Variants in CPEB2 observed in about 807,000 individuals in gnomAD.
CPEB2 encodes the protein cytoplasmic polyadenylation element-binding protein 2.
CPEB2 carries 56 observed loss-of-function variants against 93.6 expected under a neutral mutation model. The ratio of observed to expected loss-of-function variants is 0.60; its 90% CI spans 0.48 to 0.75. The LOEUF (loss-of-function observed/expected upper bound fraction) is 0.75, where lower values mean the gene tolerates loss of function less well. Among genes scored for constraint, CPEB2 ranks in the 30% least tolerant of loss-of-function variants. The pLI is 0.00. For missense variants in CPEB2, 1,579 were observed against 1,395.1 expected (o/e 1.13, Z -2.10); for synonymous variants, 764 against 586.3 (o/e 1.30, Z -4.38).
At chr4:15,045,324 A>G (rs141296758) in intron 6 of CPEB2, among the ~76,000 whole-genome samples, 48 of 152,272 alleles carry the variant, frequency 3.2e-4, no homozygotes, top group Non-Finnish European at 6.5e-4. Flanking sequence ...TTTCATTCAT[A>G]TGTATGTATC....
chr4:15,022,463 A>G (rs1421086008), intron 4 of CPEB2, among the ~76,000 whole-genome samples: 1 of 152,106 alleles, frequency 6.6e-6, no homozygotes, highest in Non-Finnish European at 1.5e-5. Context: ...AAAAAAGAGT[A>G]TAGAAGAAAA....
chr4:15,006,862 T>C (rs1722878334), intron 1 of CPEB2, among the ~76,000 whole-genome samples: 1 of 152,196 alleles, frequency 6.6e-6, no homozygotes, highest in Non-Finnish European at 1.5e-5. Flanking sequence ...AGTCTATATA[T>C]TTCACTTGTA....
At chr4:15,036,331 G>A (rs1261351612) in intron 5 of CPEB2, among the ~76,000 whole-genome samples, 2 of 152,126 alleles carry the variant, frequency 1.3e-5, no homozygotes, top group Non-Finnish European at 2.9e-5. Flanking sequence ...GACTGCTGGA[G>A]ACTGTCACTA....
chr4:15,004,093 A>C lies in CPEB2; in HGVS notation c.1420A>C (p.Thr474Pro). 6.4e-7 allele frequency: 1 copy of C among 1,562,502 alleles called. No homozygotes were observed. Among genetic ancestry groups the C allele is most frequent in the Non-Finnish European group, 8.6e-7 (1 of 1,158,052 alleles). Residue 474 changes from threonine to proline, a missense_variant, in exon 1 of 12, where the codon ACT (threonine) becomes CCT (proline). Around this residue, in one of 2 missense-constraint regions of CPEB2, gnomAD observed 1,411 missense variants for 1,056.0 expected, o/e 1.34. Transcript: ENST00000538197. ...SFSPVSPHGC[T>P]GLSVPTSGGG... ...CTCGCCCGTGTCGCCGCACGGCTGC[A>C]CTGGGCTCAGCGTTCCGACGAGCGG...
Position 15,003,525 on chromosome 4 carries a change from G to A in CPEB2, c.852G>A (p.Lys284=), listed in dbSNP as rs969445958. 3 of 1,439,250 alleles carry A rather than the reference G, an allele frequency of 2.1e-6. No homozygotes were observed. The highest frequency in any genetic ancestry group is 2.7e-6 in the Non-Finnish European group (3 of 1,097,718). The allele number at this position is 1,439,250 out of a possible 1,614,324, so 89.2% of individuals were successfully genotyped here. ...ACGGAGGCGCGGGCAGCCCTCGCAAGACCCCAGCCGCGGGCGAGGGCAGCG... is the reference window on the plus strand; with the variant it reads ...ACGGAGGCGCGGGCAGCCCTCGCAAAACCCCAGCCGCGGGCGAGGGCAGCG... ...RRHGGAGSPR[K]TPAAGEGSAA... Residue 284 remains lysine, a synonymous_variant, in exon 1 of 12, where the codon AAG becomes AAA. Coordinates refer to ENST00000538197, the MANE Select transcript of CPEB2 (RefSeq NM_001177382.2).
chr4:15,011,101 C>CT (rs201436379), intron 3 of CPEB2, among the ~76,000 whole-genome samples: 5,077 of 125,752 alleles, frequency 0.04, 146 homozygotes, highest in South Asian at 0.13. Flanking sequence ...AATTTCTTTT[C>CT]TTTTTTTTTT....
intron 11 of CPEB2, among the ~76,000 whole-genome samples, chr4:15,065,285 C>T (rs575847239): frequency 6.6e-6 from 1 of 152,142 alleles, no homozygotes; most frequent in South Asian, 2.1e-4. Context: ...TACTTTATGT[C>T]AATCCAGTCC....
In CPEB2 at chr4:15,017,561, T is replaced by G. The variant is rs114576721; in HGVS notation, c.2125+283T>G. 115 of 211,018 alleles carry G rather than the reference T, an allele frequency of 5.4e-4. 1 individual carries two copies. Among genetic ancestry groups the G allele is most frequent in the Non-Finnish European group, 8.8e-4 (94 of 107,370 alleles). 13.1% of individuals were successfully genotyped at this position (211,018 alleles called of 1,614,324 possible). ...GGATGGATCTAAAAGTATACACTAG[T>G]CACTTTTCTAGAATTCTTTCAAGTA... On this transcript the variant is annotated intron_variant, in intron 4 of 11. Coordinates refer to ENST00000538197, the MANE Select transcript of CPEB2 (RefSeq NM_001177382.2).
At chr4:15,049,361 A>C (rs1021195546) in intron 6 of CPEB2, among the ~76,000 whole-genome samples, 21 of 152,054 alleles carry the variant, frequency 1.4e-4, no homozygotes, top group Admixed American at 6.6e-5. Flanking sequence ...GACACTGCTA[A>C]GTTTTTATTT....
At chr4:15,017,012 A>G (rs554514450) in intron 3 of CPEB2, among the ~76,000 whole-genome samples, 176 bp from the exon 4 acceptor site, 274 of 152,104 alleles carry the variant, frequency 1.8e-3, no homozygotes, top group African/African-American at 5.8e-3. Flanking sequence ...ATGTCCTCCA[A>G]TGCAAGGAAC....
chr4:15,031,980 G>C (rs73797784), intron 4 of CPEB2, among the ~76,000 whole-genome samples: 32 of 152,262 alleles, frequency 2.1e-4, no homozygotes, highest in Middle Eastern at 6.8e-3. Context: ...CAGTTCATCT[G>C]TACTCCTTAC....
At chr4:15,058,343 T>G in intron 8 of CPEB2, 78 bp from the exon 9 acceptor site, 1 of 768,900 alleles carries the variant, frequency 1.3e-6, no homozygotes, top group Admixed American at 2.3e-5. Flanking sequence ...CAAAAGCATG[T>G]ATTTTCTAAA....
intron 6 of CPEB2, among the ~76,000 whole-genome samples, chr4:15,043,362 A>G (rs1475365602): frequency 2.0e-5 from 3 of 152,336 alleles, no homozygotes; most frequent in East Asian, 3.9e-4. Context: ...GGAACCTACT[A>G]TCACTACTGT....
chr4:15,023,072 A>G (rs920417559), intron 4 of CPEB2, among the ~76,000 whole-genome samples: 1 of 152,038 alleles, frequency 6.6e-6, no homozygotes, highest in Admixed American at 6.6e-5. Flanking sequence ...ACTAAAACCC[A>G]TCAGAAACTA....
chr4:15,037,811 T>G (rs749676934), intron 5 of CPEB2, among the ~76,000 whole-genome samples: 1 of 152,224 alleles, frequency 6.6e-6, no homozygotes, highest in Non-Finnish European at 1.5e-5. Context: ...TTTTTCCTTT[T>G]AAAAATCATT....
intron 4 of CPEB2, among the ~76,000 whole-genome samples, chr4:15,023,062 A>T (rs954478970): frequency 6.6e-5 from 10 of 152,024 alleles, no homozygotes; most frequent in African/African-American, 2.4e-4. Context: ...TTTGTTAAAA[A>T]CTAAAACCCA....
At chr4:15,033,627 G>C (rs996773522) in intron 5 of CPEB2, among the ~76,000 whole-genome samples, 1 of 152,152 alleles carries the variant, frequency 6.6e-6, no homozygotes, top group Non-Finnish European at 1.5e-5. Context: ...GTTAAATAAG[G>C]AATATACTGG....
chr4:15,043,678 T>A (rs967294418), intron 6 of CPEB2, among the ~76,000 whole-genome samples: 1 of 152,072 alleles, frequency 6.6e-6, no homozygotes, highest in African/African-American at 2.4e-5. Context: ...AGGGCTACTG[T>A]GTTCCAAAAG....
intron 3 of CPEB2, chr4:15,010,494 C>G (rs1723329712): frequency 6.6e-6 from 1 of 152,190 alleles, no homozygotes; most frequent in South Asian, 2.1e-4. Context: ...AGTACTTACA[C>G]ATAGTTTGTT....
Sources: allele counts gnomAD v4.1 joint callset (sites outside exome capture counted in the v4.1 genomes callset), GRCh38; gene constraint gnomAD v4.1.1; regional missense constraint gnomAD v4.1.1; transcripts MANE v1.5; gene names NCBI Gene and HGNC (gene_info 2026-07-23, HGNC 2026-07-21).